RUFY4: variants seen among roughly 807,000 people sequenced by gnomAD.
The protein encoded by RUFY4 is RUN and FYVE domain-containing protein 4.
Under a neutral mutation model 69.0 loss-of-function variants are expected in RUFY4, and 73 were observed. The ratio of observed to expected loss-of-function variants is 1.06; its 90% CI spans 0.88 to 1.29. The LOEUF is 1.29. RUFY4 is among the 50% of genes most tolerant of loss of function. The pLI is 0.00. For synonymous variants in RUFY4, 287 were observed against 271.8 expected, an observed-to-expected ratio of 1.06 and a Z score of -0.55; for missense variants, 770 against 705.6, an observed-to-expected ratio of 1.09 and a Z score of -1.03.
At chr2:218,067,030 C>A (rs187340558), upstream of RUFY4, among the ~76,000 whole-genome samples, 12 of 152,350 alleles carry the variant, frequency 7.9e-5, no homozygotes, top group Admixed American at 7.2e-4. Flanking sequence ...CTAATACAGA[C>A]AAATGTCTGA....
intron 3 of RUFY4, among the ~76,000 whole-genome samples, chr2:218,062,207 G>A (rs377440612): frequency 2.6e-5 from 4 of 152,196 alleles, no homozygotes; most frequent in Middle Eastern, 3.4e-3. Flanking sequence ...AAACCATCCT[G>A]GCTAACATGG....
exon 7 of RUFY4, chr2:218,075,523 G>A (rs1028136252): frequency 6.4e-7 from 1 of 1,556,220 alleles, no homozygotes; most frequent in Admixed American, 1.9e-5. Flanking sequence ...CACGTCCAGA[G>A]GCTGCTGATG....
At chr2:218,075,762 A>C (rs1689617356) in intron 7 of RUFY4, 22 bp downstream of exon 9, 1 of 1,379,486 alleles carries the variant, frequency 7.2e-7, no homozygotes, top group African/African-American at 1.5e-5. Context: ...TGAGCTCCAT[A>C]CCTGGTTATT....
intron 2 of RUFY4, among the ~76,000 whole-genome samples, chr2:218,053,807 T>G (rs578099761): frequency 6.6e-6 from 1 of 152,324 alleles, no homozygotes; most frequent in South Asian, 2.1e-4. Flanking sequence ...CGCACCCGGC[T>G]AATTTTTGTA....
At chr2:218,074,985 C>G in intron 6 of RUFY4, 108 bp from the exon 9 acceptor site, 1 of 1,195,646 alleles carries the variant, frequency 8.4e-7, no homozygotes, top group African/African-American at 1.5e-5. Context: ...GGACCTGGTA[C>G]CTATCTATTT....
At chr2:218,043,508 C>G (rs1688751209) in intron 2 of RUFY4, among the ~76,000 whole-genome samples, 1 of 152,224 alleles carries the variant, frequency 6.6e-6, no homozygotes, top group East Asian at 1.9e-4. Context: ...TAGGTCCTCT[C>G]TGCAGCTGGT....
intron 2 of RUFY4, among the ~76,000 whole-genome samples, chr2:218,057,730 T>C (rs1311597680): frequency 6.6e-6 from 1 of 152,256 alleles, no homozygotes; most frequent in Non-Finnish European, 1.5e-5. Flanking sequence ...TCATCTGTTT[T>C]CAGTCTCTGC....
exon 10 of RUFY4, chr2:218,089,321 T>C: frequency 6.2e-7 from 1 of 1,613,898 alleles, no homozygotes; most frequent in Non-Finnish European, 8.5e-7. Context: ...GTGTGGCCTG[T>C]AGCAAGATCT....
chr2:218,075,911 C>T (rs867432969), intron 7 of RUFY4, among the ~76,000 whole-genome samples, 171 bp downstream of exon 9: 3 of 152,066 alleles, frequency 2.0e-5, no homozygotes, highest in African/African-American at 7.2e-5. Context: ...TCTTCAGGTC[C>T]CCACAGTCCC....
rs112069130 is a variant in RUFY4 at position 218,051,758 on chromosome 2, A to T, written c.-1157-6837A>T. ...TTTCTAAAAATTAAACACTGACATC[A>T]GGGGTACCATGGCACAGGGCTGGAG... On this transcript the variant is annotated intron_variant and NMD_transcript_variant, in intron 2 of 13. Coordinates refer to the RUFY4 transcript ENST00000457754. 6.3e-3 allele frequency among the ~76,000 whole-genome samples: 962 copies of T among 152,254 alleles called. 13 individuals are homozygous for T. Among genetic ancestry groups the T allele is most frequent in the African/African-American group, 0.022 (916 of 41,532 alleles).
upstream of RUFY4, among the ~76,000 whole-genome samples, chr2:218,066,725 A>C (rs150807206): frequency 2.8e-4 from 42 of 152,358 alleles, no homozygotes; most frequent in African/African-American, 9.9e-4. Flanking sequence ...CTGCAATGCT[A>C]TTCAGAGGAC....
intron 7 of RUFY4, 21 bp from the exon 10 acceptor site, chr2:218,076,406 T>G: frequency 6.5e-7 from 1 of 1,547,396 alleles, no homozygotes; most frequent in Non-Finnish European, 8.7e-7. Flanking sequence ...AGCCTCCTTC[T>G]CCCCTCCTTC....
At chr2:218,079,743 T>G (rs1450593228) in intron 8 of RUFY4, among the ~76,000 whole-genome samples, 1 of 152,138 alleles carries the variant, frequency 6.6e-6, no homozygotes, top group Admixed American at 6.5e-5. Context: ...AAGCTGGTGA[T>G]GAGTTCCTCA....
chr2:218,047,419 T>G (rs558343311), intron 2 of RUFY4, among the ~76,000 whole-genome samples: 1 of 152,256 alleles, frequency 6.6e-6, no homozygotes, highest in Non-Finnish European at 1.5e-5. Flanking sequence ...TTTGTCTTAG[T>G]CTTTTTCTCC....
chr2:218,058,129 A>G (rs1689103918), intron 2 of RUFY4, among the ~76,000 whole-genome samples: 1 of 152,240 alleles, frequency 6.6e-6, no homozygotes, highest in South Asian at 2.1e-4. Flanking sequence ...GCATGAAAGT[A>G]TCTTCTTCTA....
chr2:218,080,272 G>C (rs944363591), intron 8 of RUFY4, among the ~76,000 whole-genome samples: 2 of 152,296 alleles, frequency 1.3e-5, no homozygotes, highest in South Asian at 2.1e-4. Context: ...GTGTTTAAAG[G>C]CTCACTCAGG....
At chr2:218,049,502 G>GA (rs1553631447) in intron 2 of RUFY4, among the ~76,000 whole-genome samples, 8 of 150,178 alleles carry the variant, frequency 5.3e-5, no homozygotes, top group East Asian at 1.9e-4. Context: ...TTTTCTTGCT[G>GA]TTTTAGGTCT....
chr2:218,037,088 G>A (rs1013253212), intron 2 of RUFY4, among the ~76,000 whole-genome samples: 3 of 152,310 alleles, frequency 2.0e-5, no homozygotes, highest in South Asian at 2.1e-4. Flanking sequence ...GGAGGCTGAG[G>A]CGGGCGGATC....
chr2:218,039,200 C>A (rs927415427), intron 2 of RUFY4, among the ~76,000 whole-genome samples: 14 of 152,086 alleles, frequency 9.2e-5, no homozygotes, highest in Non-Finnish European at 7.3e-5. Flanking sequence ...AATAGGCTTG[C>A]CAGTGGCAGA....
Sources: gnomAD v4.1 joint callset for allele counts (sites outside exome capture counted in the v4.1 genomes callset) on GRCh38, gnomAD v4.1.1 for gene constraint, MANE v1.5 for transcripts, NCBI Gene and HGNC (gene_info 2026-07-23, HGNC 2026-07-21) for gene names.